ZNF367: variants seen among roughly 807,000 people sequenced by gnomAD.
ZNF367 encodes zinc finger protein 367.
ZNF367 carries 11 observed loss-of-function variants against 31.8 expected under a neutral mutation model. That is an observed-to-expected ratio of 0.35 (90% CI 0.22 to 0.57). The LOEUF is 0.57. Ranked by LOEUF, ZNF367 falls within the 20% of genes least tolerant of loss-of-function variation. The pLI is 0.85. For synonymous variants in ZNF367, 199 were observed against 202.4 expected (o/e 0.98, Z 0.14); for missense variants, 353 against 484.1 (o/e 0.73, Z 2.54).
chr9:96,393,292 G>A (rs1831493870), intron 3 of ZNF367, among the ~76,000 whole-genome samples: 1 of 152,048 alleles, frequency 6.6e-6, no homozygotes, highest in African/African-American at 2.4e-5. Flanking sequence ...GGGAGGCCGA[G>A]GCGGGTGGAT....
Position 96,398,087 on chromosome 9 carries a change from CAAAAAAAAAAAAAAAAAAAA to C in ZNF367, c.571+57_571+76del, listed in dbSNP as rs374810647. 2.1e-4 allele frequency: 79 copies of C among 379,736 alleles called. 1 individual carries two copies. The highest frequency in any genetic ancestry group is 4.3e-4 in the African/African-American group (9 of 20,972). The allele number at this position is 379,736 out of a possible 1,614,324, so 23.5% of individuals were successfully genotyped here. A position where few individuals can be genotyped will look rare whatever the true frequency, so the allele number is the denominator to read the frequency against. ...CCTGGGCAACAGAGCGAGACTATCT[CAAAAAAAAAAAAAAAAAAAA>C]AAAAAAAAAAAAAAAGTGTTACTTC... On this transcript the variant is annotated intron_variant, in intron 2 of 4. Coordinates refer to ENST00000375256, the MANE Select transcript of ZNF367 (RefSeq NM_153695.4).
rs1831840961 is a variant in ZNF367, at chr9:96,417,121, A to G, written c.420+492T>C. 1.3e-5 allele frequency among the ~76,000 whole-genome samples: 2 copies of G among 152,208 alleles called. No individual in the cohort carries two copies. Among genetic ancestry groups the G allele is most frequent in the Admixed American group, 1.3e-4 (2 of 15,284 alleles). ...TGGATAAATGAAAGGCAGCGAAGGC[A>G]CAACTTCAGCCGCAGAACAGGCCCA... On this transcript the variant is annotated intron_variant, in intron 1 of 4. Transcript: ENST00000375256. This position sits in a 1 kb window ranked among gnomAD's most constrained non-coding sequence, Gnocchi z 5.0.
chr9:96,417,115 G>A lies in ZNF367; in HGVS notation c.420+498C>T, dbSNP rs1279967595. On this transcript the variant is annotated intron_variant, in intron 1 of 4. Coordinates refer to ENST00000375256, the MANE Select transcript of ZNF367 (RefSeq NM_153695.4). The surrounding 1 kb of genome is among the most constrained non-coding windows in gnomAD (Gnocchi z 5.0). ...GTATGCTGGATAAATGAAAGGCAGC[G>A]AAGGCACAACTTCAGCCGCAGAACA... is the stretch of plus-strand genomic sequence containing the variant. 1.5e-4 allele frequency among the ~76,000 whole-genome samples: 23 copies of A among 152,226 alleles called. No homozygotes were observed. The highest frequency in any genetic ancestry group is 5.3e-4 in the African/African-American group (22 of 41,470).
rs1208284094 is a variant in ZNF367, at chr9:96,388,139, C to T, written c.*98G>A. The T allele has an allele frequency of 3.3e-6, 4 of 1,198,520 alleles. 1 individual carries two copies. In the African/African-American group the frequency reaches 6.1e-5, roughly 18 times the overall value. 74.2% of individuals were successfully genotyped at this position (1,198,520 alleles called of 1,614,324 possible). A position where few individuals can be genotyped will look rare whatever the true frequency, so the allele number is the denominator to read the frequency against. On this transcript the variant is annotated 3_prime_UTR_variant, in exon 5 of 5. Coordinates refer to ENST00000375256, the MANE Select transcript of ZNF367 (RefSeq NM_153695.4). ...TCATAAATTTCTACAGAATAGCAGC[C>T]TATGATAAGCAAATAAGGTGCTTAG... is the stretch of plus-strand genomic sequence containing the variant.
At position 96,388,312 on chromosome 9, in the gene ZNF367, C is replaced by T. The variant is rs1831428875; in HGVS notation, c.978G>A (p.Glu326=). ...GGGCTCCATGCAGGCGCTCCCGCTG[C>T]TCCTGCAGCCGGCGCTGGGCCCCTC... The part of the protein sequence containing the change: ...EKRGAQRRLQ[E]QRERLHGALA... Residue 326 remains glutamate, a synonymous_variant, in exon 5 of 5, where the codon GAG becomes GAA. Transcript: ENST00000375256. The T allele has an allele frequency of 6.2e-7, 1 of 1,612,388 alleles. No homozygotes were observed. Among genetic ancestry groups the T allele is most frequent in the South Asian group, 1.1e-5 (1 of 91,004 alleles).
At chr9:96,407,267 G>A (rs546720455) in intron 1 of ZNF367, 1 of 1,407,956 alleles carries the variant, frequency 7.1e-7, no homozygotes, top group Non-Finnish European at 1.0e-6. Context: ...GCTCCTGGCG[G>A]CTCTGCGGCC....
chr9:96,412,365 A>C (rs992891340), intron 1 of ZNF367, among the ~76,000 whole-genome samples: 8 of 152,226 alleles, frequency 5.3e-5, no homozygotes, highest in Non-Finnish European at 1.2e-4. Flanking sequence ...GAAAGTGTTT[A>C]GTCATGTGAT....
Position 96,387,175 on chromosome 9 carries a change from G to A in ZNF367, c.*1062C>T, listed in dbSNP as rs1393216219. ...TTGAGTAGCTAATATTTTCTGCAGTGTTTAACTGATAGCTAAATTTAGTGA... is the reference window on the plus strand; with the variant it reads ...TTGAGTAGCTAATATTTTCTGCAGTATTTAACTGATAGCTAAATTTAGTGA... On this transcript the variant is annotated 3_prime_UTR_variant, in exon 5 of 5. Coordinates refer to ENST00000375256, the MANE Select transcript of ZNF367 (RefSeq NM_153695.4). 4 of 152,196 alleles carry A rather than the reference G, an allele frequency of 2.6e-5. No individual in the cohort carries two copies. Among genetic ancestry groups the A allele is most frequent in the Admixed American group, 2.6e-4 (4 of 15,272 alleles). The allele number at this position is 152,196 out of a possible 1,614,324, so 9.4% of individuals were successfully genotyped here. A position where few individuals can be genotyped will look rare whatever the true frequency, so the allele number is the denominator to read the frequency against.
chr9:96,396,761 G>A (rs994169451), intron 2 of ZNF367, among the ~76,000 whole-genome samples: 3 of 151,598 alleles, frequency 2.0e-5, no homozygotes, highest in Non-Finnish European at 2.9e-5. Flanking sequence ...TCCACCTCCC[G>A]GGTTCAAGTG....
chr9:96,390,819 G>C (rs910445654), intron 4 of ZNF367, among the ~76,000 whole-genome samples: 2 of 148,690 alleles, frequency 1.3e-5, no homozygotes, highest in African/African-American at 5.0e-5. Flanking sequence ...AGGAGGTCAA[G>C]GCTCAATGAG....
At chr9:96,411,805 A>C (rs574971878) in intron 1 of ZNF367, among the ~76,000 whole-genome samples, 3 of 152,230 alleles carry the variant, frequency 2.0e-5, no homozygotes, top group African/African-American at 7.2e-5. Context: ...GGGTTCACTA[A>C]GTGCATTCTT....
chr9:96,418,342 C>G lies in ZNF367; in HGVS notation c.-310G>C. 2.7e-6 allele frequency: 1 copy of G among 364,166 alleles called. No individual in the cohort carries two copies. 22.6% of individuals were successfully genotyped at this position (364,166 alleles called of 1,614,324 possible). A position where few individuals can be genotyped will look rare whatever the true frequency, so the allele number is the denominator to read the frequency against. On this transcript the variant is annotated 5_prime_UTR_variant, in exon 1 of 5. Coordinates refer to ENST00000375256, the MANE Select transcript of ZNF367 (RefSeq NM_153695.4). The stretch of plus-strand genomic sequence containing the variant: ...GAAAGCAGGACGCGCGGCGCTGAGC[C>G]CCCAAAAATAACAACCTGCCGCCGC...
intron 3 of ZNF367, among the ~76,000 whole-genome samples, chr9:96,393,026 C>T (rs1021072003): frequency 2.6e-5 from 4 of 151,748 alleles, no homozygotes; most frequent in Admixed American, 1.3e-4. Flanking sequence ...CAGAGGTTGC[C>T]GTGAGCCGAG....
chr9:96,390,464 A>T (rs918957738), intron 4 of ZNF367, among the ~76,000 whole-genome samples: 3 of 152,140 alleles, frequency 2.0e-5, no homozygotes, highest in African/African-American at 7.2e-5. Context: ...TAGACTGAGG[A>T]TCATACTGAC....
At chr9:96,406,829 T>C (rs1831676142) in intron 1 of ZNF367, among the ~76,000 whole-genome samples, 1 of 149,532 alleles carries the variant, frequency 6.7e-6, no homozygotes, top group South Asian at 2.1e-4. Flanking sequence ...TGAAACCCCA[T>C]CTCTACTAAA....
In ZNF367 at chr9:96,415,478, C is replaced by CTTT. The variant is rs1564146059; in HGVS notation, c.420+2134_420+2135insAAA. ...TCAACGCTTCTATCGTTAGTTTCTT[C>CTTT]ATTTTTTTTTTTTTTTTTTTTTTTT... On this transcript the variant is annotated intron_variant, in intron 1 of 4. Coordinates refer to ENST00000375256, the MANE Select transcript of ZNF367 (RefSeq NM_153695.4). Among the ~76,000 whole-genome samples the CTTT allele has an allele frequency of 2.6e-4, 17 of 65,578 alleles. 1 individual carries two copies. Among genetic ancestry groups the CTTT allele is most frequent in the South Asian group, 6.0e-4 (1 of 1,680 alleles). 43.0% of individuals were successfully genotyped at this position (65,578 alleles called of 152,430 possible). A position where few individuals can be genotyped will look rare whatever the true frequency, so the allele number is the denominator to read the frequency against.
At chr9:96,405,879 G>A (rs1371595203) in intron 1 of ZNF367, among the ~76,000 whole-genome samples, 1 of 152,154 alleles carries the variant, frequency 6.6e-6, no homozygotes, top group Non-Finnish European at 1.5e-5. Context: ...CATTATGAAT[G>A]TACTAAATGT....
chr9:96,418,010 G>T lies in ZNF367; in HGVS notation c.23C>A (p.Pro8His). The T allele has an allele frequency of 7.2e-7, 1 of 1,393,748 alleles. No individual in the cohort carries two copies. The highest frequency in any genetic ancestry group is 3.0e-5 in the East Asian group (1 of 33,474). 86.3% of individuals were successfully genotyped at this position (1,393,748 alleles called of 1,614,324 possible). Residue 8 changes from proline to histidine, a missense_variant, in exon 1 of 5, where the codon CCC becomes CAC. Around this residue, in one of 5 missense-constraint regions of ZNF367, gnomAD observed 94 missense variants for 86.7 expected, o/e 1.08. Transcript: ENST00000375256. ...CGGCGGCGGCGGGTTCTCCGCCATG[G>T]GCGCCTCGAAGCCCCGGATCATCGC... MIRGFEA[P>H]MAENPPPPPP...
At chr9:96,398,392 C>G in intron 1 of ZNF367, 78 bp from the exon 2 acceptor site, 1 of 1,370,810 alleles carries the variant, frequency 7.3e-7, no homozygotes. Flanking sequence ...ATATAACTTT[C>G]AAAAATCTTT....
Sources: allele counts gnomAD v4.1 joint callset (sites outside exome capture counted in the v4.1 genomes callset), GRCh38; gene constraint gnomAD v4.1.1; regional missense constraint gnomAD v4.1.1; non-coding constraint Gnocchi (gnomAD v3.1); transcripts MANE v1.5; gene names NCBI Gene and HGNC (gene_info 2026-07-23, HGNC 2026-07-21).